GBP6: variants seen among roughly 807,000 people sequenced by gnomAD.
The protein encoded by GBP6 is guanylate-binding protein 6.
In GBP6, 54 loss-of-function variants were observed where a neutral mutation model predicts 61.5. That is an observed-to-expected ratio of 0.88 (90% CI 0.71 to 1.10). The LOEUF is 1.10. Ranked by LOEUF, GBP6 falls within the 50% of genes least tolerant of loss-of-function variation. The probability of loss-of-function intolerance (pLI) is 0.00; values close to 1 mark genes in which losing one functional copy is unlikely to be tolerated. For synonymous variants in GBP6, 255 were observed against 273.7 expected (o/e 0.93, Z 0.67); for missense variants, 748 against 752.8 (o/e 0.99, Z 0.07).
In GBP6 at chr1:89,372,983, C is replaced by T. The variant is rs371650753; in HGVS notation, c.318+3310C>T. 8.8e-4 allele frequency among the ~76,000 whole-genome samples: 134 copies of T among 152,232 alleles called. No homozygotes were observed. In the East Asian group the frequency reaches 0.017, roughly 20 times the overall value. ...AAATTTACAAGAAAAAAACAAACAA[C>T]CCCATCAAAAAGTGGGCAAAGGATA... On this transcript the variant is annotated intron_variant, in intron 3 of 10. Coordinates refer to ENST00000370456, the MANE Select transcript of GBP6 (RefSeq NM_198460.3).
At chr1:89,365,560 T>C (rs1364937592) in intron 1 of GBP6, among the ~76,000 whole-genome samples, 2 of 152,232 alleles carry the variant, frequency 1.3e-5, no homozygotes, top group African/African-American at 4.8e-5. Flanking sequence ...TTATTTGTAG[T>C]TTTTGTTTCT....
chr1:89,373,331 T>C (rs1346766122), intron 3 of GBP6, among the ~76,000 whole-genome samples: 1 of 152,168 alleles, frequency 6.6e-6, no homozygotes, highest in East Asian at 1.9e-4. Context: ...ACCCAAAGGA[T>C]TATAGATCAT....
chr1:89,365,569 C>T (rs1303726791), intron 1 of GBP6, among the ~76,000 whole-genome samples: 4 of 152,166 alleles, frequency 2.6e-5, no homozygotes, highest in African/African-American at 9.7e-5. Context: ...GTTTTTGTTT[C>T]TTAGTAACTT....
intron 3 of GBP6, 21 bp downstream of exon 3, chr1:89,369,694 C>G: frequency 6.2e-7 from 1 of 1,606,414 alleles, no homozygotes; most frequent in Non-Finnish European, 8.5e-7. Flanking sequence ...GAGTCATAGA[C>G]AGGTTCCTTT....
intron 1 of GBP6, 29 bp from the exon 2 acceptor site, chr1:89,368,500 T>A: frequency 6.6e-7 from 1 of 1,524,246 alleles, no homozygotes; most frequent in Non-Finnish European, 9.0e-7. Context: ...AGACAGAGAA[T>A]GACAATGTAA....
At position 89,381,767 on chromosome 1, in the gene GBP6, G is replaced by C. The variant is rs769441007; in HGVS notation, c.945G>C (p.Val315=). Residue 315 remains valine (V), a synonymous_variant, in exon 7 of 11, where the codon GTG becomes GTC. Coordinates refer to ENST00000370456, the MANE Select transcript of GBP6 (RefSeq NM_198460.3). ...CAGTGCCTTGTCTGGAGAATGCAGT[G>C]ATAACTCTGGCCCAGCGTGAGAACT... ...SGAVPCLENA[V]ITLAQRENSA... 5 of 1,614,172 alleles carry C rather than the reference G, an allele frequency of 3.1e-6. No homozygotes were observed. The highest frequency in any genetic ancestry group is 4.2e-6 in the Non-Finnish European group (5 of 1,180,022).
At chr1:89,372,755 C>T (rs906378668) in intron 3 of GBP6, among the ~76,000 whole-genome samples, 1 of 152,116 alleles carries the variant, frequency 6.6e-6, no homozygotes, top group African/African-American at 2.4e-5. Flanking sequence ...TAGGCATGGG[C>T]AAAGACTTCA....
chr1:89,384,430 T>C (rs1653079142), intron 10 of GBP6, 144 bp downstream of exon 10: 1 of 626,740 alleles, frequency 1.6e-6, no homozygotes, highest in Non-Finnish European at 2.7e-6. Context: ...GAATCCTTTT[T>C]TTCTTAATTG....
chr1:89,370,420 C>T (rs1314037583), intron 3 of GBP6, among the ~76,000 whole-genome samples: 1 of 152,144 alleles, frequency 6.6e-6, no homozygotes, highest in Non-Finnish European at 1.5e-5. Flanking sequence ...CATCAATTAC[C>T]CACAGAGCAT....
At chr1:89,370,116 T>C (rs1251923321) in intron 3 of GBP6, among the ~76,000 whole-genome samples, 1 of 152,206 alleles carries the variant, frequency 6.6e-6, no homozygotes, top group Admixed American at 6.5e-5. Flanking sequence ...TGAGTTATCA[T>C]GTTTTGGGAC....
intron 9 of GBP6, 70 bp downstream of exon 9, chr1:89,383,824 A>G: frequency 1.7e-6 from 2 of 1,188,420 alleles, no homozygotes; most frequent in Non-Finnish European, 2.4e-6. Flanking sequence ...ATCTAACAGG[A>G]AAACCTTCCC....
chr1:89,381,588 G>T, intron 6 of GBP6, 106 bp from the exon 7 acceptor site: 1 of 1,078,596 alleles, frequency 9.3e-7, no homozygotes, highest in South Asian at 1.5e-5. Context: ...GTTTGCATGT[G>T]TGCACGCGCG....
intron 1 of GBP6, among the ~76,000 whole-genome samples, chr1:89,366,479 A>C (rs569411288): frequency 6.6e-6 from 1 of 152,270 alleles, no homozygotes; most frequent in African/African-American, 2.4e-5. Context: ...TGTAGATAAA[A>C]GACAAACATA....
chr1:89,372,880 C>G (rs1038577802), intron 3 of GBP6, among the ~76,000 whole-genome samples: 2 of 152,064 alleles, frequency 1.3e-5, no homozygotes, highest in African/African-American at 2.4e-5. Flanking sequence ...AACAGGCAAC[C>G]TACAGAATGG....
intron 3 of GBP6, among the ~76,000 whole-genome samples, chr1:89,371,187 T>C (rs1652627354): frequency 6.6e-6 from 1 of 152,094 alleles, no homozygotes; most frequent in Non-Finnish European, 1.5e-5. Flanking sequence ...TTTTTTGAGA[T>C]TGAATATATA....
intron 3 of GBP6, among the ~76,000 whole-genome samples, chr1:89,377,210 T>A (rs968235926): frequency 2.6e-5 from 4 of 152,198 alleles, no homozygotes; most frequent in Non-Finnish European, 5.9e-5. Flanking sequence ...TGACCTTTAG[T>A]GTCCTTAATC....
At chr1:89,377,455 C>T (rs956836397) in intron 3 of GBP6, among the ~76,000 whole-genome samples, 4 of 152,104 alleles carry the variant, frequency 2.6e-5, no homozygotes, top group Non-Finnish European at 5.9e-5. Context: ...ATACACTCTT[C>T]AATTTTCATA....
intron 3 of GBP6, among the ~76,000 whole-genome samples, chr1:89,374,614 C>T (rs1450222324): frequency 6.6e-6 from 1 of 152,068 alleles, no homozygotes; most frequent in Admixed American, 6.6e-5. Flanking sequence ...TTGGTAATAG[C>T]CATCTTAAAT....
rs750344779 is a variant in GBP6, at chr1:89,382,714, A to G, written c.1203A>G (p.Ser401=). Residue 401 remains serine, a synonymous_variant, in exon 8 of 11, where the codon TCA becomes TCG. Coordinates refer to ENST00000370456, the MANE Select transcript of GBP6 (RefSeq NM_198460.3). The part of the protein sequence containing the change: ...KGDFLLQNEE[S]SVQYCQAKLN... The stretch of plus-strand genomic sequence containing the variant: ...ATTTCTTGCTGCAGAATGAAGAGTC[A>G]TCTGTTCAATACTGCCAGGCTAAAC... 3 of 1,614,070 alleles carry G rather than the reference A, an allele frequency of 1.9e-6. No individual in the cohort carries two copies. The highest frequency in any genetic ancestry group is 2.7e-5 in the African/African-American group (2 of 74,944).
Sources: allele counts gnomAD v4.1 joint callset (sites outside exome capture counted in the v4.1 genomes callset), GRCh38; gene constraint gnomAD v4.1.1; transcripts MANE v1.5; gene names NCBI Gene and HGNC (gene_info 2026-07-23, HGNC 2026-07-21).